Variants in XPR1 observed in about 807,000 individuals in gnomAD.
XPR1 encodes xenotropic and polytropic retrovirus receptor 1, also known as solute carrier family 53 member 1.
In XPR1, 28 loss-of-function variants were observed where a neutral mutation model predicts 87.5. The ratio of observed to expected loss-of-function variants is 0.32; its 90% CI spans 0.24 to 0.44. The LOEUF (loss-of-function observed/expected upper bound fraction) is 0.44, where lower values mean the gene tolerates loss of function less well. Ranked by LOEUF, XPR1 falls within the 20% of genes least tolerant of loss-of-function variation. The probability of loss-of-function intolerance (pLI) is 1.00; values close to 1 mark genes in which losing one functional copy is unlikely to be tolerated. For missense variants in XPR1, 559 were observed against 862.3 expected (o/e 0.65, Z 4.41); for synonymous variants, 300 against 306.1 (o/e 0.98, Z 0.21).
At chr1:180,860,119 A>G (rs1376986556) in intron 11 of XPR1, among the ~76,000 whole-genome samples, 1 of 152,136 alleles carries the variant, frequency 6.6e-6, no homozygotes, top group East Asian at 1.9e-4. Flanking sequence ...GATGCCTGAC[A>G]TCACTAGTCA....
At chr1:180,644,843 T>C (rs188712334) in intron 1 of XPR1, among the ~76,000 whole-genome samples, 3 of 152,180 alleles carry the variant, frequency 2.0e-5, no homozygotes, top group Admixed American at 1.3e-4. Flanking sequence ...GAAATAATTA[T>C]AGAACTCAAC....
chr1:180,850,005 T>A (rs1651811777), intron 11 of XPR1, among the ~76,000 whole-genome samples: 1 of 152,146 alleles, frequency 6.6e-6, no homozygotes, highest in Non-Finnish European at 1.5e-5. Flanking sequence ...ACTATTGAAA[T>A]TTTTTATTTT....
In XPR1 at chr1:180,784,318, A is replaced by C. The variant is rs1184888981; in HGVS notation, c.122-3435A>C. The stretch of plus-strand genomic sequence containing the variant: ...ATATTTCCTTTTTTAAAAAAGTTGC[A>C]TTTATATGACATCTGGCATCCTTTC... On this transcript the variant is annotated intron_variant, in intron 2 of 14. Coordinates refer to ENST00000367590, the MANE Select transcript of XPR1 (RefSeq NM_004736.4). Among the ~76,000 whole-genome samples the C allele has an allele frequency of 1.3e-5, 2 of 152,022 alleles. 1 individual carries two copies. The highest frequency in any genetic ancestry group is 2.9e-5 in the Non-Finnish European group (2 of 67,954).
At chr1:180,723,105 AT>A in intron 2 of XPR1, among the ~76,000 whole-genome samples, 1 of 152,290 alleles carries the variant, frequency 6.6e-6, no homozygotes, top group East Asian at 1.9e-4. Flanking sequence ...CAACTTACAA[AT>A]ATCTCTCTGT....
At position 180,884,816 on chromosome 1, in the gene XPR1, C is replaced by G. The variant is rs931342251; in HGVS notation, c.*750C>G. ...GAGGGTCAGTCCCACATACCTCTTT[C>G]AGGAGACAACTTGCACCAGTTTGAC... On this transcript the variant is annotated 3_prime_UTR_variant, in exon 15 of 15. Transcript: ENST00000367590. The G allele has an allele frequency of 6.6e-6, 1 of 152,620 alleles. No homozygotes were observed. Among genetic ancestry groups the G allele is most frequent in the African/African-American group, 2.4e-5 (1 of 41,432 alleles). 9.5% of individuals were successfully genotyped at this position (152,620 alleles called of 1,614,324 possible).
chr1:180,795,278 G>T (rs539846920), intron 3 of XPR1, among the ~76,000 whole-genome samples: 1 of 152,276 alleles, frequency 6.6e-6, no homozygotes, highest in Admixed American at 6.5e-5. Flanking sequence ...GATGAATTTG[G>T]TGAAAGCAAA....
chr1:180,825,289 T>A lies in XPR1; in HGVS notation c.1079T>A (p.Ile360Asn). ...ALYGFMVFFL[I>N]NPTKTFYYKS... ...TATGGATTTATGGTTTTCTTCCTTA[T>A]CAACCCCACCAAAACTTTCTACTAT... Residue 360 changes from isoleucine to asparagine, a missense_variant, in exon 9 of 15, where the codon ATC becomes AAC. Physicochemically the swap from Ile to Asn is moderately radical, Grantham distance 149. Transcript: ENST00000367590. The A allele has an allele frequency of 6.2e-7, 1 of 1,614,054 alleles. No individual in the cohort carries two copies.
intron 11 of XPR1, among the ~76,000 whole-genome samples, chr1:180,844,512 C>A (rs937518659): frequency 1.6e-4 from 25 of 152,214 alleles, no homozygotes; most frequent in Admixed American, 1.4e-3. Context: ...TTGTATGTGA[C>A]TCTCTTTCCC....
At position 180,632,072 on chromosome 1, in the gene XPR1, C is replaced by A; in HGVS notation, c.-130C>A. On this transcript the variant is annotated 5_prime_UTR_variant, in exon 1 of 15. Coordinates refer to ENST00000367590, the MANE Select transcript of XPR1 (RefSeq NM_004736.4). The stretch of plus-strand genomic sequence containing the variant: ...GCGGGCTGCTCTGAAGAGACCTCGG[C>A]GGCGGCGGAGGAGGAGAGAAGCGCA... 9.3e-7 allele frequency: 1 copy of A among 1,077,074 alleles called. No homozygotes were observed. Among genetic ancestry groups the A allele is most frequent in the South Asian group, 1.3e-5 (1 of 74,258 alleles). The allele number at this position is 1,077,074 out of a possible 1,614,324, so 66.7% of individuals were successfully genotyped here.
At chr1:180,747,451 T>C (rs552079587) in intron 2 of XPR1, among the ~76,000 whole-genome samples, 1 of 152,350 alleles carries the variant, frequency 6.6e-6, no homozygotes, top group South Asian at 2.1e-4. Context: ...GAGGAGTCTA[T>C]TATTTGTTTG....
intron 7 of XPR1, among the ~76,000 whole-genome samples, chr1:180,820,594 A>G (rs767307775): frequency 4.6e-5 from 7 of 152,186 alleles, no homozygotes; most frequent in Non-Finnish European, 8.8e-5. Flanking sequence ...ATGCATAAAC[A>G]TGGATTTGTT....
chr1:180,736,272 T>G (rs1193611562), intron 2 of XPR1, among the ~76,000 whole-genome samples: 1 of 152,166 alleles, frequency 6.6e-6, no homozygotes, highest in Non-Finnish European at 1.5e-5. Flanking sequence ...CATGGTATAT[T>G]CGGGCTACCT....
intron 11 of XPR1, among the ~76,000 whole-genome samples, chr1:180,854,097 T>G (rs983870189): frequency 2.8e-4 from 42 of 152,184 alleles, no homozygotes; most frequent in Non-Finnish European, 1.3e-4. Context: ...GGGTTTTGCT[T>G]TATCTATTTT....
chr1:180,758,432 G>A (rs181629714), intron 2 of XPR1, among the ~76,000 whole-genome samples: 6 of 152,200 alleles, frequency 3.9e-5, no homozygotes, highest in African/African-American at 1.4e-4. Flanking sequence ...AGATGGACCA[G>A]CCATGGTTGC....
At chr1:180,719,471 C>G (rs1045343037) in intron 2 of XPR1, among the ~76,000 whole-genome samples, 1 of 152,176 alleles carries the variant, frequency 6.6e-6, no homozygotes, top group Admixed American at 6.5e-5. Flanking sequence ...GAATATTATT[C>G]TCTGTACTTT....
chr1:180,687,870 T>C (rs1656839253), intron 2 of XPR1, among the ~76,000 whole-genome samples: 1 of 151,622 alleles, frequency 6.6e-6, no homozygotes, highest in Non-Finnish European at 1.5e-5. Context: ...ATATTTCTGA[T>C]ATATTTCATT....
At chr1:180,789,002 G>A (rs185180453) in intron 3 of XPR1, among the ~76,000 whole-genome samples, 19 of 152,116 alleles carry the variant, frequency 1.2e-4, no homozygotes, top group African/African-American at 4.1e-4. Context: ...TCAACTAGAG[G>A]CTGATCATTC....
At chr1:180,754,344 A>G (rs977843181) in intron 2 of XPR1, among the ~76,000 whole-genome samples, 3 of 152,212 alleles carry the variant, frequency 2.0e-5, no homozygotes, top group African/African-American at 7.2e-5. Context: ...AATTTTCCAC[A>G]ATAAAAAGTT....
chr1:180,751,751 C>G (rs192877124), intron 2 of XPR1, among the ~76,000 whole-genome samples: 79 of 152,108 alleles, frequency 5.2e-4, no homozygotes, highest in Non-Finnish European at 7.4e-5. Flanking sequence ...TTAAATGAAT[C>G]AATATTTTAA....
Sources: allele counts gnomAD v4.1 joint callset (sites outside exome capture counted in the v4.1 genomes callset), GRCh38; gene constraint gnomAD v4.1.1; transcripts MANE v1.5; gene names NCBI Gene and HGNC (gene_info 2026-07-23, HGNC 2026-07-21).